AGBL4: variants seen among roughly 807,000 people sequenced by gnomAD.
The protein encoded by AGBL4 is AGBL carboxypeptidase 4.
Under a neutral mutation model 66.4 loss-of-function variants are expected in AGBL4, and 58 were observed. The observed-to-expected ratio is 0.87, with a 90% confidence interval of 0.71 to 1.09. The LOEUF (loss-of-function observed/expected upper bound fraction) is 1.09, where lower values mean the gene tolerates loss of function less well. Ranked by LOEUF, AGBL4 falls within the 50% of genes least tolerant of loss-of-function variation. The pLI is 0.00. For synonymous variants in AGBL4, 234 were observed against 222.9 expected, an observed-to-expected ratio of 1.05 and a Z score of -0.44; for missense variants, 579 against 631.0, an observed-to-expected ratio of 0.92 and a Z score of 0.88.
chr1:48,767,256 G>A (rs531028802), intron 6 of AGBL4, among the ~76,000 whole-genome samples: 4 of 152,240 alleles, frequency 2.6e-5, no homozygotes, highest in South Asian at 2.1e-4. Context: ...CAGTGAAGTG[G>A]GGATAATAAA....
chr1:49,107,477 A>G (rs1289657060), intron 4 of AGBL4, among the ~76,000 whole-genome samples: 8 of 152,148 alleles, frequency 5.3e-5, no homozygotes, highest in African/African-American at 1.9e-4. Context: ...TGAAGCCCAA[A>G]ATAATATAAA....
chr1:48,847,835 G>A (rs1354530110), intron 6 of AGBL4, among the ~76,000 whole-genome samples: 1 of 152,072 alleles, frequency 6.6e-6, no homozygotes, highest in Admixed American at 6.6e-5. Flanking sequence ...ACAGAACCTG[G>A]TACACAGTCT....
intron 3 of AGBL4, among the ~76,000 whole-genome samples, chr1:49,280,918 C>T (rs910860713): frequency 1.5e-4 from 23 of 151,510 alleles, no homozygotes; most frequent in Non-Finnish European, 1.9e-4. Context: ...ATAATTACAA[C>T]GAAGAAAAAG....
At chr1:49,112,669 T>C (rs903273941) in intron 4 of AGBL4, among the ~76,000 whole-genome samples, 1 of 152,174 alleles carries the variant, frequency 6.6e-6, no homozygotes, top group Non-Finnish European at 1.5e-5. Flanking sequence ...GTATTTTCAC[T>C]GGGGGTAGAT....
intron 6 of AGBL4, among the ~76,000 whole-genome samples, chr1:48,843,594 A>G (rs1413298296): frequency 3.3e-5 from 5 of 152,174 alleles, no homozygotes; most frequent in Non-Finnish European, 7.4e-5. Context: ...TTCAGTGTTT[A>G]TAATGAAATT....
chr1:49,429,130 T>C (rs905772276), intron 3 of AGBL4, among the ~76,000 whole-genome samples: 1 of 152,200 alleles, frequency 6.6e-6, no homozygotes, highest in African/African-American at 2.4e-5. Flanking sequence ...GTGGATTCTT[T>C]ATACTCTAGC....
At chr1:49,436,976 C>T (rs1156379499) in intron 3 of AGBL4, among the ~76,000 whole-genome samples, 2 of 152,110 alleles carry the variant, frequency 1.3e-5, no homozygotes, top group Non-Finnish European at 2.9e-5. Flanking sequence ...GTGTGGTAAA[C>T]CTCTTACTCT....
chr1:48,651,465 C>T (rs1275942380), intron 8 of AGBL4, among the ~76,000 whole-genome samples: 1 of 152,180 alleles, frequency 6.6e-6, no homozygotes, highest in East Asian at 1.9e-4. Flanking sequence ...CTCTCTCTGA[C>T]CGCTGCTCTT....
In AGBL4 at chr1:48,642,185, C is replaced by T. The variant is rs1271707475; in HGVS notation, c.840-7581G>A. Among the ~76,000 whole-genome samples, 4 of 152,054 alleles carry T rather than the reference C, an allele frequency of 2.6e-5. No homozygotes were observed. The East Asian group carries it at 7.7e-4, about 29-fold the overall frequency. On this transcript the variant is annotated intron_variant, in intron 8 of 13. Transcript: ENST00000371839. The stretch of plus-strand genomic sequence containing the variant: ...TCCATATGGAGCAGACTTGGATGTG[C>T]CCAAGGTTTATAGCAAAGCCAAGAT...
intron 2 of AGBL4, among the ~76,000 whole-genome samples, chr1:49,819,114 T>C (rs943516891): frequency 1.3e-5 from 2 of 152,180 alleles, no homozygotes; most frequent in Non-Finnish European, 2.9e-5. Flanking sequence ...TGGAATATAA[T>C]AGATGATCAA....
At chr1:49,768,924 C>T (rs1227266623) in intron 2 of AGBL4, among the ~76,000 whole-genome samples, 4 of 152,022 alleles carry the variant, frequency 2.6e-5, no homozygotes, top group South Asian at 2.1e-4. Context: ...TCTTGGCTCA[C>T]TGCAACCTCC....
intron 5 of AGBL4, among the ~76,000 whole-genome samples, chr1:48,908,336 A>T (rs1652809975): frequency 6.6e-6 from 1 of 152,186 alleles, no homozygotes; most frequent in African/African-American, 2.4e-5. Context: ...TCGGGGAAAA[A>T]AAAAGATACA....
At chr1:48,770,866 C>T (rs1416282177) in intron 6 of AGBL4, among the ~76,000 whole-genome samples, 1 of 152,176 alleles carries the variant, frequency 6.6e-6, no homozygotes, top group Non-Finnish European at 1.5e-5. Context: ...CCACCACCAC[C>T]TTAGTTTAGG....
chr1:48,723,291 AT>A (rs1442977126), intron 6 of AGBL4, among the ~76,000 whole-genome samples: 1 of 152,162 alleles, frequency 6.6e-6, no homozygotes, highest in Non-Finnish European at 1.5e-5. Flanking sequence ...ATGGAATAAT[AT>A]TTTACTGATG....
intron 4 of AGBL4, among the ~76,000 whole-genome samples, chr1:49,157,788 G>A (rs1371169287): frequency 6.6e-6 from 1 of 152,096 alleles, no homozygotes; most frequent in Non-Finnish European, 1.5e-5. Flanking sequence ...GGCATGAGAT[G>A]GTATCTCATT....
intron 3 of AGBL4, among the ~76,000 whole-genome samples, chr1:49,373,288 G>T (rs1046246814): frequency 2.0e-4 from 30 of 152,138 alleles, no homozygotes; most frequent in African/African-American, 6.5e-4. Flanking sequence ...TCATGGCCTG[G>T]TATGTGGTAT....
At position 48,736,338 on chromosome 1, in the gene AGBL4, C is replaced by T. The variant is rs998064579; in HGVS notation, c.635-73097G>A. The T allele has an allele frequency of 1.2e-6, 2 of 1,613,976 alleles. No individual in the cohort carries two copies. The highest frequency in any genetic ancestry group is 2.7e-5 in the African/African-American group (2 of 74,868). Reference sequence around the variant, plus strand: ...CCTGTGACGCTTCTGTTTTTCAGAACATCTGTTCCCCAAATCATAACTGCC... The same window carrying T: ...CCTGTGACGCTTCTGTTTTTCAGAATATCTGTTCCCCAAATCATAACTGCC... On this transcript the variant is annotated intron_variant, in intron 6 of 13. Transcript: ENST00000371839. This position sits in a 1 kb window ranked among gnomAD's most constrained non-coding sequence, Gnocchi z 4.0.
chr1:49,387,428 T>C (rs2148586252), intron 3 of AGBL4, among the ~76,000 whole-genome samples: 1 of 152,042 alleles, frequency 6.6e-6, no homozygotes. Context: ...TATTTTACAG[T>C]TAACATTAGA....
chr1:49,931,887 T>C (rs183663341), intron 1 of AGBL4, among the ~76,000 whole-genome samples: 3 of 152,212 alleles, frequency 2.0e-5, no homozygotes, highest in Admixed American at 1.3e-4. Flanking sequence ...TCACAGTAAT[T>C]AAGGCAATGT....
Sources: allele counts gnomAD v4.1 joint callset (sites outside exome capture counted in the v4.1 genomes callset), GRCh38; gene constraint gnomAD v4.1.1; non-coding constraint Gnocchi (gnomAD v3.1); transcripts MANE v1.5; gene names NCBI Gene and HGNC (gene_info 2026-07-23, HGNC 2026-07-21).